TIAM1: variants seen among roughly 807,000 people sequenced by gnomAD.
The protein encoded by TIAM1 is rho guanine nucleotide exchange factor TIAM1.
TIAM1 carries 65 observed loss-of-function variants against 163.5 expected under a neutral mutation model. The observed-to-expected ratio is 0.40, with a 90% CI of 0.33 to 0.49. The LOEUF (loss-of-function observed/expected upper bound fraction) is 0.49, where lower values mean the gene tolerates loss of function less well. Among genes scored for constraint, TIAM1 ranks in the 20% least tolerant of loss-of-function variants. The pLI, the probability that TIAM1 is intolerant of heterozygous loss-of-function variation, is 0.77. For synonymous variants in TIAM1, 833 were observed against 810.1 expected, an observed-to-expected ratio of 1.03 and a Z score of -0.48; for missense variants, 1,789 against 2,044.7, an observed-to-expected ratio of 0.87 and a Z score of 2.41.
Position 31,410,636 on chromosome 21 carries a change from CTA to C in TIAM1, c.-369+53345_-369+53346del, listed in dbSNP as rs539616550. On this transcript the variant is annotated intron_variant, in intron 2 of 28. Transcript: ENST00000286827. ...ATTGAGTGTTAGTGTGTGTCAGTGA[CTA>C]TGTGTAAGTGTGTGTGCTGATATGT... Among the ~76,000 whole-genome samples, 1,185 of 151,220 alleles carry C rather than the reference CTA, an allele frequency of 7.8e-3. 2 individuals are homozygous for C. The highest frequency in any genetic ancestry group is 0.031 in the Middle Eastern group (9 of 294).
At chr21:31,327,131 G>A (rs371188811) in intron 2 of TIAM1, among the ~76,000 whole-genome samples, 89 of 152,280 alleles carry the variant, frequency 5.8e-4, no homozygotes, top group African/African-American at 2.1e-3. Flanking sequence ...CAATGGAAAA[G>A]ACGGTCGAAT....
intron 13 of TIAM1, 137 bp from the exon 14 acceptor site, chr21:31,187,224 A>G: frequency 1.3e-6 from 1 of 760,170 alleles, no homozygotes; most frequent in Non-Finnish European, 2.2e-6. Context: ...TTCTTGTTTT[A>G]CATAGCAGAA....
intron 2 of TIAM1, among the ~76,000 whole-genome samples, chr21:31,330,227 C>A (rs1022961227): frequency 6.6e-6 from 1 of 152,182 alleles, no homozygotes; most frequent in Admixed American, 6.5e-5. Context: ...CCCCTGGCAA[C>A]CACCTTGATG....
chr21:31,191,176 T>C (rs1047014571), intron 13 of TIAM1, among the ~76,000 whole-genome samples: 4 of 152,220 alleles, frequency 2.6e-5, no homozygotes, highest in East Asian at 1.9e-4. Context: ...CTTTTTTTTT[T>C]CTTTGAGACA....
At position 31,266,326 on chromosome 21, in the gene TIAM1, G is replaced by A. The variant is rs144185073; in HGVS notation, c.647C>T (p.Thr216Met). ...GCTGAGCTGCCGCGGACTCGCCCGC[G>A]TTTCCATCCCCCGAGCCTCCTCGCA... is the stretch of plus-strand genomic sequence containing the variant. ...KDCEEARGME[T>M]RASPRQLSTC... Residue 216 changes from threonine to methionine, a missense_variant, in exon 4 of 28, where the codon ACG becomes ATG. Transcript: ENST00000541036. 272 of 1,614,120 alleles carry A rather than the reference G, an allele frequency of 1.7e-4. No individual in the cohort carries two copies. The highest frequency in any genetic ancestry group is 2.2e-4 in the Non-Finnish European group (258 of 1,180,052).
At chr21:31,136,576 G>A (rs1446238319) in intron 22 of TIAM1, among the ~76,000 whole-genome samples, 1 of 152,152 alleles carries the variant, frequency 6.6e-6, no homozygotes, top group Non-Finnish European at 1.5e-5. Flanking sequence ...GGAATACAGG[G>A]GAGAGAAAAG....
intron 19 of TIAM1, among the ~76,000 whole-genome samples, chr21:31,147,973 C>G (rs1400337360): frequency 4.1e-5 from 3 of 72,432 alleles, no homozygotes; most frequent in Non-Finnish European, 7.4e-5. Flanking sequence ...ATCTAATGAA[C>G]AATGCAGAGG....
intron 2 of TIAM1, among the ~76,000 whole-genome samples, chr21:31,442,259 G>A (rs2044463447): frequency 7.4e-6 from 1 of 135,494 alleles, no homozygotes; most frequent in African/African-American, 2.8e-5. Context: ...TTGAAACAGA[G>A]TCTCCCTCTG....
chr21:31,398,158 C>CAAAAAAAAAAAAAAAAAAAAAAAAAAA, intron 2 of TIAM1, among the ~76,000 whole-genome samples: 1 of 52,508 alleles, frequency 1.9e-5, no homozygotes. Flanking sequence ...ATCTTCAGGG[C>CAAAAAAAAAAAAAAAAAAAAAAAAAAA]AAAAAAAAAA....
chr21:31,317,317 G>A (rs1330876147), intron 2 of TIAM1, among the ~76,000 whole-genome samples: 4 of 151,952 alleles, frequency 2.6e-5, no homozygotes, highest in African/African-American at 9.7e-5. Context: ...AGCCGGGCGT[G>A]GTGGCACATG....
chr21:31,152,045 TTTGTA>T (rs2083400155), intron 19 of TIAM1, among the ~76,000 whole-genome samples: 1 of 19,922 alleles, frequency 5.0e-5, no homozygotes. Flanking sequence ...TTTTTTTTTT[TTTGTA>T]AGACGGAGCC....
chr21:31,439,189 T>C (rs140757140), intron 2 of TIAM1, among the ~76,000 whole-genome samples: 71 of 152,322 alleles, frequency 4.7e-4, no homozygotes, highest in Non-Finnish European at 8.7e-4. Context: ...GCCACAGTGA[T>C]TAAAACTAGA....
At chr21:31,498,350 TAAG>T (rs1020910600) in intron 1 of TIAM1, among the ~76,000 whole-genome samples, 1 of 152,004 alleles carries the variant, frequency 6.6e-6, no homozygotes, top group Admixed American at 6.6e-5. Flanking sequence ...CATAGAGAGG[TAAG>T]AAGGTACTAC....
At chr21:31,164,178 C>T (rs1473102764) in intron 16 of TIAM1, among the ~76,000 whole-genome samples, 3 of 152,122 alleles carry the variant, frequency 2.0e-5, no homozygotes, top group East Asian at 1.9e-4. Flanking sequence ...ATCACGAGGT[C>T]AGGAGATCGA....
At chr21:31,255,676 T>G (rs2253204) in intron 4 of TIAM1, among the ~76,000 whole-genome samples, 103,921 of 152,086 alleles carry the variant, frequency 0.68, 37,464 homozygotes, top group Non-Finnish European at 0.81. Context: ...CCTCTTAGAG[T>G]CAAATACTAA....
chr21:31,420,737 T>G lies in TIAM1; in HGVS notation c.-369+43246A>C, dbSNP rs944049552. ...TCAAATAGGGTCTCCCTCAAAATAG[T>G]GGGTCAAATAGGGTCTCCCCAAAAA... On this transcript the variant is annotated intron_variant, in intron 2 of 28. Coordinates refer to the TIAM1 transcript ENST00000286827. 3.9e-5 allele frequency among the ~76,000 whole-genome samples: 6 copies of G among 152,080 alleles called. No homozygotes were observed. The East Asian group carries it at 1.2e-3, about 29-fold the overall frequency.
At chr21:31,533,702 G>A (rs540716608) in intron 1 of TIAM1, among the ~76,000 whole-genome samples, 83 of 152,134 alleles carry the variant, frequency 5.5e-4, no homozygotes, top group African/African-American at 1.7e-3. Flanking sequence ...ACTGCTCTCC[G>A]GCCTGGGTGA....
intron 1 of TIAM1, among the ~76,000 whole-genome samples, chr21:31,529,980 C>T (rs962581369): frequency 1.3e-5 from 2 of 152,166 alleles, no homozygotes; most frequent in East Asian, 3.9e-4. Flanking sequence ...ACTGCTTTTG[C>T]GACCCCCCTG....
At chr21:31,309,942 GC>G (rs2074861363) in intron 2 of TIAM1, among the ~76,000 whole-genome samples, 1 of 152,094 alleles carries the variant, frequency 6.6e-6, no homozygotes. Context: ...ACCACCTAAC[GC>G]AAAAATAAGT....
Sources: gnomAD v4.1 joint callset for allele counts (sites outside exome capture counted in the v4.1 genomes callset) on GRCh38, gnomAD v4.1.1 for gene constraint, MANE v1.5 for transcripts, NCBI Gene and HGNC (gene_info 2026-07-23, HGNC 2026-07-21) for gene names.